PTPRO: variants seen among roughly 807,000 people sequenced by gnomAD.
PTPRO encodes the protein protein tyrosine phosphatase receptor type O, also known as receptor-type tyrosine-protein phosphatase O.
Under a neutral mutation model 145.2 loss-of-function variants are expected in PTPRO, and 62 were observed. The observed-to-expected ratio is 0.43, with a 90% confidence interval of 0.35 to 0.53. The LOEUF is 0.53. Ranked by LOEUF, PTPRO falls within the 20% of genes least tolerant of loss-of-function variation. The pLI, the probability that PTPRO is intolerant of heterozygous loss-of-function variation, is 0.01. For synonymous variants in PTPRO, 565 were observed against 514.7 expected (o/e 1.10, Z -1.32); for missense variants, 1,345 against 1,482.7 (o/e 0.91, Z 1.53).
At chr12:15,363,982 A>T (rs1470780480) in intron 1 of PTPRO, among the ~76,000 whole-genome samples, 2 of 152,308 alleles carry the variant, frequency 1.3e-5, no homozygotes, top group Admixed American at 6.5e-5. Flanking sequence ...GTGAAACAAG[A>T]TGTAGCTTAA....
chr12:15,431,995 G>GTTTTT (rs768187560), intron 1 of PTPRO, among the ~76,000 whole-genome samples: 6 of 151,886 alleles, frequency 4.0e-5, no homozygotes, highest in Non-Finnish European at 8.8e-5. Context: ...TTTTGTTTTT[G>GTTTTT]TTTTTGCTTT....
At chr12:15,462,868 C>T (rs1274036064) in intron 1 of PTPRO, among the ~76,000 whole-genome samples, 1 of 152,062 alleles carries the variant, frequency 6.6e-6, no homozygotes, top group African/African-American at 2.4e-5. Context: ...AAATTTCTTT[C>T]TTACTTTGAA....
intron 1 of PTPRO, among the ~76,000 whole-genome samples, chr12:15,475,977 T>A (rs975084161): frequency 6.6e-6 from 1 of 152,164 alleles, no homozygotes; most frequent in African/African-American, 2.4e-5. Flanking sequence ...TTGTAAAGTC[T>A]GTCTACAGAG....
intron 1 of PTPRO, among the ~76,000 whole-genome samples, chr12:15,395,680 A>G (rs1424781918): frequency 6.6e-6 from 1 of 152,114 alleles, no homozygotes; most frequent in East Asian, 1.9e-4. Context: ...TGAGAGAAGA[A>G]AGGAATAGTC....
intron 1 of PTPRO, among the ~76,000 whole-genome samples, chr12:15,443,314 C>T (rs1421419380): frequency 1.3e-5 from 2 of 151,990 alleles, no homozygotes; most frequent in African/African-American, 2.4e-5. Flanking sequence ...AACTGGATCC[C>T]ATATACTACA....
intron 12 of PTPRO, among the ~76,000 whole-genome samples, chr12:15,528,738 C>A (rs1942897113): frequency 1.3e-5 from 2 of 151,974 alleles, no homozygotes; most frequent in African/African-American, 4.8e-5. Flanking sequence ...AATACTCAGA[C>A]TCTCAAAGGT....
chr12:15,572,311 T>TA (rs904825240), intron 19 of PTPRO, among the ~76,000 whole-genome samples: 3 of 152,162 alleles, frequency 2.0e-5, no homozygotes, highest in Non-Finnish European at 4.4e-5. Context: ...AAATTTCCCA[T>TA]AAGTGGAGTA....
At chr12:15,390,696 G>C (rs916301764) in intron 1 of PTPRO, among the ~76,000 whole-genome samples, 2 of 152,140 alleles carry the variant, frequency 1.3e-5, no homozygotes, top group South Asian at 2.1e-4. Flanking sequence ...ATACCATAAG[G>C]CTGGACTGGG....
intron 2 of PTPRO, among the ~76,000 whole-genome samples, chr12:15,488,041 T>C (rs1355309410): frequency 6.6e-6 from 1 of 152,160 alleles, no homozygotes; most frequent in East Asian, 1.9e-4. Context: ...GGTCACTCCT[T>C]CGAATTCACA....
chr12:15,517,864 G>C (rs1942631588), intron 9 of PTPRO, among the ~76,000 whole-genome samples: 1 of 152,192 alleles, frequency 6.6e-6, no homozygotes, highest in Admixed American at 6.5e-5. Context: ...TGCATTCACA[G>C]GCTGGCATTG....
rs978685374 is a variant in PTPRO, at chr12:15,546,553, C to A, written c.2165-16C>A. The A allele has an allele frequency of 9.5e-5, 150 of 1,574,068 alleles. No homozygotes were observed. The highest frequency in any genetic ancestry group is 1.3e-4 in the Admixed American group (7 of 54,510). On this transcript the variant is annotated splice_polypyrimidine_tract_variant and intron_variant, in intron 12 of 26. Transcript: ENST00000281171. ...TTAGTAAATTAAATTTTTTTTAAAACTTTGTCTTTGCTCAGAACCAGCTCC... is the reference window on the plus strand; with the variant it reads ...TTAGTAAATTAAATTTTTTTTAAAAATTTGTCTTTGCTCAGAACCAGCTCC...
rs981083895 is a variant in PTPRO, at chr12:15,456,546, T to C, written c.76-27428T>C. 7.2e-5 allele frequency among the ~76,000 whole-genome samples: 11 copies of C among 152,326 alleles called. No homozygotes were observed. The South Asian group carries it at 2.1e-3, about 29-fold the overall frequency. ...GAAGTATTCTGCTTCCTAGATTCTT[T>C]GGAAGAAATTGAGAACATCTTTAAA... is the stretch of plus-strand genomic sequence containing the variant. On this transcript the variant is annotated intron_variant, in intron 1 of 26. Coordinates refer to ENST00000281171, the MANE Select transcript of PTPRO (RefSeq NM_030667.3).
chr12:15,511,376 A>G lies in PTPRO; in HGVS notation c.1464+2609A>G, dbSNP rs1353354429. Among the ~76,000 whole-genome samples the G allele has an allele frequency of 3.9e-5, 6 of 152,226 alleles. No homozygotes were observed. In the East Asian group the frequency reaches 1.2e-3, roughly 29 times the overall value. ...TAAATATAGGTTAGCAGCTCAGTAAATATTCAGAAATTGGGGAGGATGGAA... is the reference window on the plus strand; with the variant it reads ...TAAATATAGGTTAGCAGCTCAGTAAGTATTCAGAAATTGGGGAGGATGGAA... On this transcript the variant is annotated intron_variant, in intron 7 of 26. Transcript: ENST00000281171.
chr12:15,422,626 G>C (rs1940178106), intron 1 of PTPRO, among the ~76,000 whole-genome samples: 1 of 152,076 alleles, frequency 6.6e-6, no homozygotes, highest in Non-Finnish European at 1.5e-5. Flanking sequence ...GATAGATAGG[G>C]GACTTGTATA....
chr12:15,484,331 C>T, intron 2 of PTPRO, 84 bp downstream of exon 2: 2 of 1,508,254 alleles, frequency 1.3e-6, no homozygotes, highest in Non-Finnish European at 1.8e-6. Flanking sequence ...CAGACTCCAC[C>T]CAGAATGGCA....
chr12:15,339,797 A>T (rs917745010), intron 1 of PTPRO, among the ~76,000 whole-genome samples: 1 of 152,170 alleles, frequency 6.6e-6, no homozygotes, highest in Admixed American at 6.5e-5. Flanking sequence ...TCATATATAT[A>T]TGCTCCCATA....
chr12:15,482,458 T>C (rs1941799585), intron 1 of PTPRO, among the ~76,000 whole-genome samples: 1 of 152,092 alleles, frequency 6.6e-6, no homozygotes. Flanking sequence ...TAATGCTCTA[T>C]AGTACTATAG....
At chr12:15,579,709 C>T (rs771208777) in intron 20 of PTPRO, among the ~76,000 whole-genome samples, 38 of 152,094 alleles carry the variant, frequency 2.5e-4, no homozygotes, top group Non-Finnish European at 3.8e-4. Flanking sequence ...AAATGAAAAT[C>T]GTGTGCTTAG....
chr12:15,340,716 C>T (rs543614758), intron 1 of PTPRO, among the ~76,000 whole-genome samples: 7 of 152,138 alleles, frequency 4.6e-5, no homozygotes, highest in East Asian at 3.9e-4. Flanking sequence ...TTATGGTCAA[C>T]GTTAGAAGCA....
Sources: allele counts gnomAD v4.1 joint callset (sites outside exome capture counted in the v4.1 genomes callset), GRCh38; gene constraint gnomAD v4.1.1; transcripts MANE v1.5; gene names NCBI Gene and HGNC (gene_info 2026-07-23, HGNC 2026-07-21).